Variants in AFM observed in about 807,000 individuals in gnomAD.
AFM encodes afamin.
In AFM, 82 loss-of-function variants were observed where a neutral mutation model predicts 68.7. The ratio of observed to expected loss-of-function variants is 1.19; its 90% CI spans 1.00 to 1.43. AFM has a LOEUF of 1.43. Among genes scored for constraint, AFM ranks in the 40% most tolerant of loss-of-function variants. AFM has a pLI of 0.00. For missense variants in AFM, 772 were observed against 701.8 expected (o/e 1.10, Z -1.13); for synonymous variants, 250 against 234.2 (o/e 1.07, Z -0.61).
intron 1 of AFM, 22 bp downstream of exon 1, chr4:73,481,885 C>T (rs758982346): frequency 1.4e-6 from 2 of 1,442,428 alleles, no homozygotes; most frequent in Non-Finnish European, 1.9e-6. Flanking sequence ...ACTTGTATAT[C>T]AGCTAAAGCA....
chr4:73,484,192 C>A (rs1413847941), intron 2 of AFM, 66 bp from the exon 3 acceptor site: 14 of 1,525,988 alleles, frequency 9.2e-6, no homozygotes, highest in Non-Finnish European at 6.1e-6. Context: ...GTTCCTGTGA[C>A]TTTTTCTTGA....
chr4:73,483,661 T>C (rs907001996), intron 1 of AFM, among the ~76,000 whole-genome samples: 1 of 152,238 alleles, frequency 6.6e-6, no homozygotes, highest in Non-Finnish European at 1.5e-5. Flanking sequence ...GACATTTCTA[T>C]CTGGGGAGCC....
chr4:73,496,242 C>T (rs1011872311), intron 9 of AFM, among the ~76,000 whole-genome samples: 6 of 152,094 alleles, frequency 3.9e-5, no homozygotes, highest in South Asian at 2.1e-4. Context: ...AAACTTTTTA[C>T]GTCATTAAAC....
At chr4:73,503,353 A>G (rs949965839) in intron 14 of AFM, among the ~76,000 whole-genome samples, 3 of 152,138 alleles carry the variant, frequency 2.0e-5, no homozygotes, top group African/African-American at 7.2e-5. Context: ...TTTCTAGATA[A>G]CCAAGAGGCG....
At chr4:73,494,397 C>T (rs1008064696) in intron 8 of AFM, among the ~76,000 whole-genome samples, 2 of 151,840 alleles carry the variant, frequency 1.3e-5, no homozygotes, top group Admixed American at 1.3e-4. Context: ...GATGAGTTTT[C>T]TTTTTTTTAT....
intron 3 of AFM, among the ~76,000 whole-genome samples, chr4:73,485,636 G>A (rs1022409850): frequency 1.6e-5 from 2 of 123,572 alleles, no homozygotes; most frequent in Non-Finnish European, 3.5e-5. Context: ...AGAAAAAGAA[G>A]AGGAAGAAGA....
intron 1 of AFM, among the ~76,000 whole-genome samples, chr4:73,482,387 T>A (rs563607818): frequency 6.6e-6 from 1 of 152,292 alleles, no homozygotes; most frequent in Non-Finnish European, 1.5e-5. Context: ...AAAGGGGAAA[T>A]ATTTTGAACC....
At chr4:73,494,446 A>T (rs1308040081) in intron 8 of AFM, among the ~76,000 whole-genome samples, 1 of 152,132 alleles carries the variant, frequency 6.6e-6, no homozygotes, top group Non-Finnish European at 1.5e-5. Flanking sequence ...CTTCAAGATG[A>T]CATCTCTGTC....
intron 9 of AFM, among the ~76,000 whole-genome samples, chr4:73,497,366 C>A (rs1320032171): frequency 6.6e-6 from 1 of 152,080 alleles, no homozygotes; most frequent in African/African-American, 2.4e-5. Flanking sequence ...TTATTATTTT[C>A]AACATACAAT....
chr4:73,502,030 T>C (rs1721437402), intron 13 of AFM, 111 bp downstream of exon 13: 1 of 1,191,088 alleles, frequency 8.4e-7, no homozygotes, highest in East Asian at 2.4e-5. Context: ...CAGGACTACA[T>C]TTGAGAGCAC....
Position 73,500,225 on chromosome 4 carries a change from C to A in AFM, c.1644C>A (p.Asp548Glu), listed in dbSNP as rs1462557510. Residue 548 changes from aspartate (D) to glutamate (E), a missense_variant and splice_region_variant, in exon 12 of 15, where the codon GAC becomes GAA. Physicochemically the swap from Asp to Glu is conservative, Grantham distance 45. Coordinates refer to ENST00000226355, the MANE Select transcript of AFM (RefSeq NM_001133.2). Reference sequence around the variant, plus strand: ...ATGAGGAGCTTCAGAGGAAGACAGACAGGTACAAATAATCTCTTCCATTCT... The same window carrying A: ...ATGAGGAGCTTCAGAGGAAGACAGAAAGGTACAAATAATCTCTTCCATTCT... ...SQNEELQRKTDRFLVNLVKLK... is the reference protein window; with the variant it reads ...SQNEELQRKTERFLVNLVKLK... The A allele has an allele frequency of 1.0e-5, 16 of 1,606,798 alleles. 1 individual carries two copies. The highest frequency in any genetic ancestry group is 1.4e-5 in the Non-Finnish European group (16 of 1,175,412).
intron 7 of AFM, among the ~76,000 whole-genome samples, chr4:73,491,021 C>T (rs1721055254): frequency 6.6e-6 from 1 of 152,136 alleles, no homozygotes; most frequent in South Asian, 2.1e-4. Flanking sequence ...TGAGTAAAGT[C>T]ATAAAGGCTT....
chr4:73,502,038 C>A, intron 13 of AFM, 119 bp downstream of exon 13: 1 of 1,097,504 alleles, frequency 9.1e-7, no homozygotes, highest in Non-Finnish European at 1.3e-6. Context: ...CATTTGAGAG[C>A]ACAATTGCTA....
At chr4:73,486,582 A>G (rs1720908246) in intron 4 of AFM, among the ~76,000 whole-genome samples, 1 of 152,228 alleles carries the variant, frequency 6.6e-6, no homozygotes, top group South Asian at 2.1e-4. Context: ...TAGAGTGTGT[A>G]TAGATAGCTG....
intron 8 of AFM, among the ~76,000 whole-genome samples, chr4:73,493,304 T>C (rs970846608): frequency 1.3e-5 from 2 of 152,248 alleles, no homozygotes; most frequent in African/African-American, 2.4e-5. Flanking sequence ...AAACCTCATC[T>C]GAAGAAAATC....
At chr4:73,498,710 T>A (rs1004542396) in intron 10 of AFM, among the ~76,000 whole-genome samples, 8 of 152,240 alleles carry the variant, frequency 5.3e-5, no homozygotes, top group Non-Finnish European at 7.3e-5. Flanking sequence ...TCATTAAAAA[T>A]CTTAGTTTTC....
At position 73,488,752 on chromosome 4, in the gene AFM, G is replaced by C. The variant is rs149021212; in HGVS notation, c.836G>C (p.Arg279Pro). 19 of 1,606,230 alleles carry C rather than the reference G, an allele frequency of 1.2e-5. No homozygotes were observed. The highest frequency in any genetic ancestry group is 1.6e-5 in the Non-Finnish European group (19 of 1,177,796). The change falls in exon 7 of 15, where the codon CGT becomes CCT. Residue 279 changes from arginine to proline, a missense_variant. By Grantham distance (103) the Arg-to-Pro change is moderately radical. Transcript: ENST00000226355. ...CCEGDVVQCI[R>P]DTSKVMNHIC... The stretch of plus-strand genomic sequence containing the variant: ...GAAGGGGATGTTGTGCAGTGCATCC[G>C]TGACACGGTGAATATTCTCTAAAAC...
chr4:73,488,979 T>A (rs1006721403), intron 7 of AFM, among the ~76,000 whole-genome samples: 1 of 152,324 alleles, frequency 6.6e-6, no homozygotes, highest in South Asian at 2.1e-4. Context: ...GATTGTATAT[T>A]ATATGGCTAA....
At chr4:73,492,624 C>CTT (rs36117611) in intron 8 of AFM, among the ~76,000 whole-genome samples, 7 of 142,946 alleles carry the variant, frequency 4.9e-5, no homozygotes, top group South Asian at 4.5e-4. Flanking sequence ...CCTTTCTGTG[C>CTT]TTTTTTTTTT....
Sources: allele counts gnomAD v4.1 joint callset (sites outside exome capture counted in the v4.1 genomes callset), GRCh38; gene constraint gnomAD v4.1.1; transcripts MANE v1.5; gene names NCBI Gene and HGNC (gene_info 2026-07-23, HGNC 2026-07-21).